CNBD1: variants seen among roughly 807,000 people sequenced by gnomAD.
CNBD1 encodes the protein cyclic nucleotide-binding domain-containing protein 1.
In CNBD1, 71 loss-of-function variants were observed where a neutral mutation model predicts 54.4. The observed-to-expected ratio is 1.30, with a 90% CI of 1.08 to 1.59. The LOEUF (loss-of-function observed/expected upper bound fraction) is 1.59, where lower values mean the gene tolerates loss of function less well. CNBD1 is among the 40% of genes most tolerant of loss of function. CNBD1 has a pLI of 0.00. For missense variants in CNBD1, 659 were observed against 518.0 expected (o/e 1.27, Z -2.64); for synonymous variants, 182 against 170.7 (o/e 1.07, Z -0.51).
At chr8:86,903,382 G>T (rs1586123609) in intron 2 of CNBD1, among the ~76,000 whole-genome samples, 1 of 152,052 alleles carries the variant, frequency 6.6e-6, no homozygotes, top group African/African-American at 2.4e-5. Flanking sequence ...ATTGGAATAG[G>T]ATTCCAAATT....
At chr8:86,888,053 A>G (rs1427171453) in intron 2 of CNBD1, among the ~76,000 whole-genome samples, 1 of 152,110 alleles carries the variant, frequency 6.6e-6, no homozygotes, top group East Asian at 1.9e-4. Flanking sequence ...TAAGAGATCT[A>G]TTTCCTTGAC....
chr8:87,419,011 T>C (rs1807881543), intron 2 of CNBD1, among the ~76,000 whole-genome samples: 1 of 151,836 alleles, frequency 6.6e-6, no homozygotes, highest in Admixed American at 6.6e-5. Flanking sequence ...TGAATGTTCA[T>C]AGCAGCATTA....
chr8:87,421,519 T>C (rs1255944867), intron 2 of CNBD1, among the ~76,000 whole-genome samples: 2 of 149,312 alleles, frequency 1.3e-5, no homozygotes, highest in East Asian at 4.0e-4. Context: ...AGTGAGAATA[T>C]GCAGTGTTTG....
chr8:86,942,374 C>T (rs1260252594), intron 4 of CNBD1, among the ~76,000 whole-genome samples: 4 of 152,196 alleles, frequency 2.6e-5, no homozygotes, highest in Admixed American at 2.6e-4. Context: ...TGGTCCTCTG[C>T]TCAGTGTCTC....
intron 8 of CNBD1, among the ~76,000 whole-genome samples, chr8:87,311,258 A>G (rs1809256932): frequency 6.6e-6 from 1 of 152,106 alleles, no homozygotes; most frequent in African/African-American, 2.4e-5. Flanking sequence ...AACAAGCAAA[A>G]AACAAAAAAA....
At chr8:87,065,164 A>C (rs1810623112) in intron 4 of CNBD1, among the ~76,000 whole-genome samples, 1 of 151,894 alleles carries the variant, frequency 6.6e-6, no homozygotes, top group Non-Finnish European at 1.5e-5. Flanking sequence ...AAGAAGCTCT[A>C]ATTTTGTCTT....
intron 4 of CNBD1, among the ~76,000 whole-genome samples, chr8:87,099,442 A>G (rs1321553400): frequency 6.6e-6 from 1 of 152,174 alleles, no homozygotes; most frequent in Non-Finnish European, 1.5e-5. Flanking sequence ...TTTAGGAACA[A>G]TAGTAGGGTG....
At chr8:87,181,893 T>C (rs1813355397) in intron 4 of CNBD1, among the ~76,000 whole-genome samples, 1 of 152,170 alleles carries the variant, frequency 6.6e-6, no homozygotes. Context: ...GTATTTATTT[T>C]TTCTCAACTT....
At chr8:87,172,168 C>A (rs1306517268) in intron 4 of CNBD1, among the ~76,000 whole-genome samples, 1 of 151,754 alleles carries the variant, frequency 6.6e-6, no homozygotes, top group Non-Finnish European at 1.5e-5. Context: ...AAGAAGAATT[C>A]TTGTTAATAA....
At chr8:86,897,427 A>G (rs879755589) in intron 2 of CNBD1, among the ~76,000 whole-genome samples, 6 of 152,192 alleles carry the variant, frequency 3.9e-5, no homozygotes, top group Non-Finnish European at 7.4e-5. Context: ...AAGAGCAGAC[A>G]TGGTATGGAG....
chr8:87,057,608 G>A (rs1161286985), intron 4 of CNBD1, among the ~76,000 whole-genome samples: 5 of 152,162 alleles, frequency 3.3e-5, no homozygotes, highest in Non-Finnish European at 7.3e-5. Flanking sequence ...CAACACTTTG[G>A]GAGGGCAAGG....
intron 1 of CNBD1, among the ~76,000 whole-genome samples, chr8:86,885,609 T>G (rs550586731): frequency 5.9e-5 from 9 of 152,336 alleles, no homozygotes; most frequent in African/African-American, 2.2e-4. Context: ...ATCTGGTCTT[T>G]ACAAAGTTAC....
intron 2 of CNBD1, among the ~76,000 whole-genome samples, chr8:87,394,089 A>G (rs897701579): frequency 6.6e-6 from 1 of 151,902 alleles, no homozygotes; most frequent in Non-Finnish European, 1.5e-5. Flanking sequence ...TATGGACATG[A>G]TCACAGGCTA....
chr8:87,422,711 G>A (rs1013754754), intron 2 of CNBD1, among the ~76,000 whole-genome samples: 2 of 152,146 alleles, frequency 1.3e-5, no homozygotes, highest in Admixed American at 6.5e-5. Context: ...GTAGTGTGAT[G>A]CCTCCAGCTT....
At position 86,995,382 on chromosome 8, in the gene CNBD1, TGA is replaced by T. The variant is rs545580087; in HGVS notation, c.431+55632_431+55633del. Among the ~76,000 whole-genome samples the T allele has an allele frequency of 1.7e-3, 262 of 152,212 alleles. 1 individual carries two copies. Among genetic ancestry groups the T allele is most frequent in the African/African-American group, 6.1e-3 (253 of 41,534 alleles). On this transcript the variant is annotated intron_variant, in intron 4 of 10. Coordinates refer to ENST00000518476, the MANE Select transcript of CNBD1 (RefSeq NM_173538.3). ...GAAACAGACATGGTAAATCAACAAGTGAGAGTGGCTGTGTTCCCAACAAACTA... is the reference window on the plus strand; with the variant it reads ...GAAACAGACATGGTAAATCAACAAGTGAGTGGCTGTGTTCCCAACAAACTA...
At chr8:87,180,600 A>G (rs1305176865) in intron 4 of CNBD1, among the ~76,000 whole-genome samples, 1 of 152,172 alleles carries the variant, frequency 6.6e-6, no homozygotes, top group Admixed American at 6.5e-5. Context: ...GTTATATATT[A>G]AAGAATATAT....
chr8:87,180,953 C>G (rs1433588250), intron 4 of CNBD1, among the ~76,000 whole-genome samples: 1 of 152,130 alleles, frequency 6.6e-6, no homozygotes, highest in Non-Finnish European at 1.5e-5. Flanking sequence ...GATGGGCCAC[C>G]ATCTCTGCTG....
intron 1 of CNBD1, among the ~76,000 whole-genome samples, chr8:86,872,412 C>A (rs1808454940): frequency 6.6e-6 from 1 of 152,006 alleles, no homozygotes; most frequent in African/African-American, 2.4e-5. Context: ...TTTATATAAT[C>A]ACATTTATAA....
In CNBD1 at chr8:87,182,357, AT is replaced by A. The variant is rs1813371998; in HGVS notation, c.432-23635del. Among the ~76,000 whole-genome samples, 1 of 118,442 alleles carries A rather than the reference AT, an allele frequency of 8.4e-6. No homozygotes were observed. Among genetic ancestry groups the A allele is most frequent in the African/African-American group, 2.6e-5 (1 of 38,210 alleles). 77.7% of individuals were successfully genotyped at this position (118,442 alleles called of 152,430 possible). On this transcript the variant is annotated intron_variant, in intron 4 of 10. Transcript: ENST00000518476. This position sits in a 1 kb window ranked among gnomAD's most constrained non-coding sequence, Gnocchi z 4.1. ...CTGTAAACAGCACTGTGATAGACATATGTGTGCATGTCTTTATGGTAGAATT... is the reference window on the plus strand; with the variant it reads ...CTGTAAACAGCACTGTGATAGACATAGTGTGCATGTCTTTATGGTAGAATT...
Sources: allele counts gnomAD v4.1 joint callset (sites outside exome capture counted in the v4.1 genomes callset), GRCh38; gene constraint gnomAD v4.1.1; non-coding constraint Gnocchi (gnomAD v3.1); transcripts MANE v1.5; gene names NCBI Gene and HGNC (gene_info 2026-07-23, HGNC 2026-07-21).